The following RFPL4A variants were observed in gnomAD, a reference collection of about 807,000 sequenced individuals.
RFPL4A encodes ret finger protein like 4A, also known as ret finger protein-like 4A.
RFPL4A carries 4 observed loss-of-function variants against 8.3 expected under a neutral mutation model. That is an observed-to-expected ratio of 0.48 (90% CI 0.24 to 1.10). The LOEUF (loss-of-function observed/expected upper bound fraction) is 1.10. RFPL4A is among the 50% of genes least tolerant of loss of function. The probability of loss-of-function intolerance (pLI) is 0.18; values close to 1 mark genes in which losing one functional copy is unlikely to be tolerated. For synonymous variants in RFPL4A, 43 were observed against 136.6 expected (o/e 0.31, Z 4.78); for missense variants, 111 against 358.7 (o/e 0.31, Z 5.58).
At chr19:55,757,433 C>T (rs545194345), upstream of RFPL4A, among the ~76,000 whole-genome samples, 3 of 152,038 alleles carry the variant, frequency 2.0e-5, no homozygotes, top group South Asian at 2.1e-4. Flanking sequence ...CGGAAGCCAC[C>T]GAAGCCAACC....
rs1319239686 is a variant in RFPL4A at position 55,763,196 on chromosome 19, A to G, written c.*21A>G. ...AGTAAATAAACATTTGAACATAATC[A>G]TCTTTAGGAAGTTTCAGTGCTCCCA... On this transcript the variant is annotated 3_prime_UTR_variant, in exon 3 of 3. Coordinates refer to ENST00000434937, the MANE Select transcript of RFPL4A (RefSeq NM_001145014.2). 39 of 1,525,244 alleles carry G rather than the reference A, an allele frequency of 2.6e-5. No individual in the cohort carries two copies. The highest frequency in any genetic ancestry group is 1.2e-4 in the East Asian group (5 of 40,356). The allele number at this position is 1,525,244 out of a possible 1,614,324, so 94.5% of individuals were successfully genotyped here. A position where few individuals can be genotyped will look rare whatever the true frequency, so the allele number is the denominator to read the frequency against.
upstream of RFPL4A, among the ~76,000 whole-genome samples, chr19:55,758,263 G>A (rs1419742962): frequency 2.0e-5 from 3 of 152,296 alleles, no homozygotes; most frequent in Non-Finnish European, 4.4e-5. Context: ...GCTTTGAATA[G>A]GAAAGAAGAG....
intron 1 of RFPL4A, among the ~76,000 whole-genome samples, 178 bp downstream of exon 1, chr19:55,759,353 A>T (rs1989237123): frequency 6.6e-6 from 1 of 152,062 alleles, no homozygotes; most frequent in Admixed American, 6.5e-5. Context: ...TTAGATTTTC[A>T]ATACCAAGGC....
intron 1 of RFPL4A, among the ~76,000 whole-genome samples, chr19:55,759,710 A>T (rs1989244107): frequency 6.6e-6 from 1 of 151,308 alleles, no homozygotes; most frequent in South Asian, 2.1e-4. Flanking sequence ...TTGTTTTGAG[A>T]CAGGGTCTCG....
intron 1 of RFPL4A, among the ~76,000 whole-genome samples, chr19:55,759,978 C>T (rs1277391469): frequency 6.6e-6 from 1 of 151,696 alleles, no homozygotes; most frequent in African/African-American, 2.4e-5. Context: ...GTTTCCATGG[C>T]TCTTGTGAAT....
rs768647684 is a variant in RFPL4A, at chr19:55,759,133, G to A, written c.-52G>A. On this transcript the variant is annotated 5_prime_UTR_variant, in exon 1 of 3. Coordinates refer to ENST00000434937, the MANE Select transcript of RFPL4A (RefSeq NM_001145014.2). ...CTCTCACTCCAGATCTGAGCTGTCCGCAGAAGCAGCTGGAGGCCAGGGGAG... is the reference window on the plus strand; with the variant it reads ...CTCTCACTCCAGATCTGAGCTGTCCACAGAAGCAGCTGGAGGCCAGGGGAG... 2.6e-5 allele frequency: 4 copies of A among 150,972 alleles called. No individual in the cohort carries two copies. The highest frequency in any genetic ancestry group is 4.5e-5 in the Non-Finnish European group (3 of 66,804). 9.4% of individuals were successfully genotyped at this position (150,972 alleles called of 1,614,324 possible).
At chr19:55,759,262 G>A (rs893217753) in intron 1 of RFPL4A, 87 bp downstream of exon 1, 1 of 152,140 alleles carries the variant, frequency 6.6e-6, no homozygotes, top group African/African-American at 2.4e-5. Flanking sequence ...CACAAGTGTT[G>A]TCTGAGGCCA....
At chr19:55,757,857 A>G (rs1248312332), upstream of RFPL4A, among the ~76,000 whole-genome samples, 1 of 151,544 alleles carries the variant, frequency 6.6e-6, no homozygotes, top group Non-Finnish European at 1.5e-5. Flanking sequence ...GCCACCTGGT[A>G]TTCCCAAAGA....
intron 2 of RFPL4A, among the ~76,000 whole-genome samples, 153 bp from the exon 3 acceptor site, chr19:55,762,445 G>C (rs1406256162): frequency 2.0e-5 from 3 of 151,476 alleles, no homozygotes; most frequent in East Asian, 3.9e-4. Flanking sequence ...AACCTCATCA[G>C]GTGGCCAAAC....
At chr19:55,758,601 G>A (rs1376044145), upstream of RFPL4A, among the ~76,000 whole-genome samples, 74 of 151,078 alleles carry the variant, frequency 4.9e-4, no homozygotes, top group African/African-American at 1.7e-3. Flanking sequence ...TCTGGAAACC[G>A]TTTTGGGATT....
intron 1 of RFPL4A, 138 bp from the exon 2 acceptor site, chr19:55,761,654 G>T (rs1254115245): frequency 1.5e-6 from 2 of 1,314,692 alleles, no homozygotes; most frequent in East Asian, 5.0e-5. Flanking sequence ...TTCATGTTGT[G>T]TCTTCGTCAC....
chr19:55,759,190 A>T lies in RFPL4A; in HGVS notation c.-10+15A>T, dbSNP rs200698882. ...CAGAAGGAGAGGTGAGTTCAATCTT[A>T]TGGAATTCATTTTTACAAAAGGCGT... On this transcript the variant is annotated intron_variant, in intron 1 of 2. Coordinates refer to ENST00000434937, the MANE Select transcript of RFPL4A (RefSeq NM_001145014.2). 0.061 allele frequency: 5,612 copies of T among 91,894 alleles called. 8 individuals are homozygous for T. Among genetic ancestry groups the T allele is most frequent in the East Asian group, 0.21 (669 of 3,148 alleles). The allele number at this position is 91,894 out of a possible 1,614,324, so 5.7% of individuals were successfully genotyped here. A position where few individuals can be genotyped will look rare whatever the true frequency, so the allele number is the denominator to read the frequency against.
At chr19:55,760,812 G>C (rs935117944) in intron 1 of RFPL4A, among the ~76,000 whole-genome samples, 1 of 151,468 alleles carries the variant, frequency 6.6e-6, no homozygotes, top group Non-Finnish European at 1.5e-5. Context: ...ATACGTTCTC[G>C]ATTCTCTTGT....
In RFPL4A at chr19:55,761,729, A is replaced by G. The variant is rs556917186; in HGVS notation, c.-9-63A>G. On this transcript the variant is annotated intron_variant, in intron 1 of 2. Coordinates refer to ENST00000434937, the MANE Select transcript of RFPL4A (RefSeq NM_001145014.2). ...ATGCATGTAAAGATAAAAGCCCCAA[A>G]CACTATCAGCTGTTCATTCAGCTCG... The G allele has an allele frequency of 1.6e-4, 235 of 1,455,812 alleles. 7 individuals are homozygous for G. In the South Asian group the frequency reaches 2.6e-3, roughly 16 times the overall value. 90.2% of individuals were successfully genotyped at this position (1,455,812 alleles called of 1,614,324 possible). A position where few individuals can be genotyped will look rare whatever the true frequency, so the allele number is the denominator to read the frequency against.
chr19:55,758,500 T>C (rs1449530593), upstream of RFPL4A, among the ~76,000 whole-genome samples: 1 of 151,662 alleles, frequency 6.6e-6, no homozygotes, highest in Non-Finnish European at 1.5e-5. Flanking sequence ...TGTTGTGATG[T>C]AAGGGAAATA....
At chr19:55,759,972 C>G (rs987531004) in intron 1 of RFPL4A, among the ~76,000 whole-genome samples, 2 of 151,694 alleles carry the variant, frequency 1.3e-5, no homozygotes, top group African/African-American at 4.9e-5. Context: ...GGGGTTGTTT[C>G]CATGGCTCTT....
At position 55,760,521 on chromosome 19, in the gene RFPL4A, C is replaced by G. The variant is rs545604285; in HGVS notation, c.-9-1271C>G. Among the ~76,000 whole-genome samples the G allele has an allele frequency of 2.6e-5, 4 of 151,698 alleles. 1 individual carries two copies. The South Asian group carries it at 8.4e-4, about 32-fold the overall frequency. On this transcript the variant is annotated intron_variant, in intron 1 of 2. Transcript: ENST00000434937. ...CCTTCTAATTAGGAGGTGAACTAAT[C>G]ATTAGGTTTTCTAGGAAAAAGCAGA...
chr19:55,762,967 T>C lies in RFPL4A; in HGVS notation c.656T>C (p.Phe219Ser). 1 of 1,552,108 alleles carries C rather than the reference T, an allele frequency of 6.4e-7. No individual in the cohort carries two copies. Among genetic ancestry groups the C allele is most frequent in the Admixed American group, 2.0e-5 (1 of 51,000 alleles). Residue 219 changes from phenylalanine to serine, a missense_variant, in exon 3 of 3, where the codon TTC becomes TCC. Coordinates refer to ENST00000434937, the MANE Select transcript of RFPL4A (RefSeq NM_001145014.2). ...CCCCAGTTGCACAGAGTGGGGATTT[T>C]CCTGGATGTAGGTATGAGGTCCATT... ...VSPQLHRVGI[F>S]LDVGMRSIAF...
intron 1 of RFPL4A, among the ~76,000 whole-genome samples, chr19:55,759,557 G>T (rs56112626): frequency 0.3 from 45,139 of 149,120 alleles, 7,339 homozygotes; most frequent in African/African-American, 0.45. Context: ...TTTTTTTTTT[G>T]TTCAGTTTTT....
Sources: allele counts gnomAD v4.1 joint callset (sites outside exome capture counted in the v4.1 genomes callset), GRCh38; gene constraint gnomAD v4.1.1; transcripts MANE v1.5; gene names NCBI Gene and HGNC (gene_info 2026-07-23, HGNC 2026-07-21).